The following AP3B2 variants were observed in gnomAD, a reference collection of about 807,000 sequenced individuals.
AP3B2 encodes the protein AP-3 complex subunit beta-2.
In AP3B2, 50 loss-of-function variants were observed where a neutral mutation model predicts 126.9. The ratio of observed to expected loss-of-function variants is 0.39; its 90% CI spans 0.31 to 0.50. AP3B2 has a LOEUF of 0.50. Among genes scored for constraint, AP3B2 ranks in the 20% least tolerant of loss-of-function variants. The probability of loss-of-function intolerance (pLI) is 0.79; values close to 1 mark genes in which losing one functional copy is unlikely to be tolerated. For missense variants in AP3B2, 1,177 were observed against 1,426.4 expected, an observed-to-expected ratio of 0.83 and a Z score of 2.82; for synonymous variants, 541 against 565.0, an observed-to-expected ratio of 0.96 and a Z score of 0.60.
chr15:82,675,228 G>A (rs922387048), intron 14 of AP3B2, among the ~76,000 whole-genome samples: 2 of 152,202 alleles, frequency 1.3e-5, no homozygotes, highest in Non-Finnish European at 2.9e-5. Context: ...ACATGGTCCA[G>A]TGTCTCTCCT....
Position 82,709,679 on chromosome 15 carries a change from C to T in AP3B2, c.28G>A (p.Asp10Asn). The change falls in exon 1 of 27, where the codon GAC becomes AAC. Residue 10 changes from aspartate to asparagine, a missense_variant. This residue lies in a region of AP3B2 where 49 missense variants were observed against 39.3 expected (regional missense o/e 1.25). Coordinates refer to ENST00000535359, the MANE Select transcript of AP3B2 (RefSeq NM_001278512.2). Reference sequence around the variant, plus strand: ...CCGGGGCCAGCGGAGCCGCCCTTGTCTTCGCTGTAGGCGGGGGCGGCCGAC... The same window carrying T: ...CCGGGGCCAGCGGAGCCGCCCTTGTTTTCGCTGTAGGCGGGGGCGGCCGAC... MSAAPAYSE[D>N]KGGSAGPGEP... 6.7e-7 allele frequency: 1 copy of T among 1,503,416 alleles called. No homozygotes were observed. The highest frequency in any genetic ancestry group is 1.2e-5 in the South Asian group (1 of 80,494). The allele number at this position is 1,503,416 out of a possible 1,614,324, so 93.1% of individuals were successfully genotyped here.
At chr15:82,666,680 G>A in intron 15 of AP3B2, 67 bp downstream of exon 15, 1 of 1,536,962 alleles carries the variant, frequency 6.5e-7, no homozygotes, top group Non-Finnish European at 8.8e-7. Context: ...AGGAAGGTCT[G>A]GGGCAGAGAC....
rs1304670320 is a variant in AP3B2 at position 82,662,226 on chromosome 15, T to G, written c.2860A>C (p.Thr954Pro). 1.5e-5 allele frequency: 24 copies of G among 1,601,504 alleles called. No homozygotes were observed. Among genetic ancestry groups the G allele is most frequent in the Non-Finnish European group, 2.0e-5 (24 of 1,173,738 alleles). The change falls in exon 24 of 27, where the codon ACT becomes CCT. Residue 954 changes from threonine to proline, a missense_variant. Coordinates refer to ENST00000535359, the MANE Select transcript of AP3B2 (RefSeq NM_001278512.2). ...IESLAPGESA[T>P]AVMGINFCDS... ...CAGAAATTAATGCCCATTACAGCAG[T>G]GGCAGATTCTCCAGGTGCCAGGGAC...
chr15:82,659,661 C>T lies in AP3B2; in HGVS notation c.3205G>A (p.Asp1069Asn), dbSNP rs1330194841. The T allele has an allele frequency of 6.2e-7, 1 of 1,613,922 alleles. No homozygotes were observed. Among genetic ancestry groups the T allele is most frequent in the East Asian group, 2.2e-5 (1 of 44,878 alleles). Residue 1069 changes from aspartate to asparagine, a missense_variant, in exon 27 of 27, where the codon GAT becomes AAT. Around this residue, in one of 5 missense-constraint regions of AP3B2, gnomAD observed 587 missense variants for 571.3 expected, o/e 1.03. Transcript: ENST00000535359. ...TGGSLVLLTL[D>N]ARPAGAAQLT... The stretch of plus-strand genomic sequence containing the variant: ...TGGGCAGCTCCAGCTGGCCGGGCAT[C>T]CAGGGTCAGCAGAACGAGGCTTCCA...
chr15:82,669,602 GA>G (rs2048114507), intron 14 of AP3B2, among the ~76,000 whole-genome samples: 1 of 151,554 alleles, frequency 6.6e-6, no homozygotes, highest in Admixed American at 6.6e-5. Flanking sequence ...TGAGGCAGGA[GA>G]ACCGCTTGAA....
In AP3B2 at chr15:82,666,863, G is replaced by A. The variant is rs1410475869; in HGVS notation, c.1736C>T (p.Ala579Val). ...YDQNYDIRDR[A>V]RFTRQLIVPS... Reference sequence around the variant, plus strand: ...GACGATGAGCTGCCGGGTGAAGCGCGCCCGGTCGCGAATATCATAGTTCTG... The same window carrying A: ...GACGATGAGCTGCCGGGTGAAGCGCACCCGGTCGCGAATATCATAGTTCTG... Residue 579 changes from alanine (A) to valine (V), a missense_variant, in exon 15 of 27, where the codon GCG becomes GTG. By Grantham distance (64) the Ala-to-Val change is moderately conservative (BLOSUM62 0). Coordinates refer to ENST00000535359, the MANE Select transcript of AP3B2 (RefSeq NM_001278512.2). 3 of 1,613,986 alleles carry A rather than the reference G, an allele frequency of 1.9e-6. No individual in the cohort carries two copies. The South Asian group carries it at 3.3e-5, about 18-fold the overall frequency.
At position 82,693,207 on chromosome 15, in the gene AP3B2, C is replaced by CGCCCCA. The variant is rs1375139780; in HGVS notation, c.114-3760_114-3755dup. Reference sequence around the variant, plus strand: ...CCCCCCGCCCCCACCCCCCCGCCCCCGCCCCACTTAAATAAATGCTATTGG... The same window carrying CGCCCCA: ...CCCCCCGCCCCCACCCCCCCGCCCCCGCCCCAGCCCCACTTAAATAAATGCTATTGG... On this transcript the variant is annotated intron_variant, in intron 1 of 26. Coordinates refer to ENST00000535359, the MANE Select transcript of AP3B2 (RefSeq NM_001278512.2). Among the ~76,000 whole-genome samples, 1,260 of 141,824 alleles carry CGCCCCA rather than the reference C, an allele frequency of 8.9e-3. 14 individuals are homozygous for CGCCCCA. Among genetic ancestry groups the CGCCCCA allele is most frequent in the African/African-American group, 0.031 (1,181 of 38,370 alleles). 93.0% of individuals were successfully genotyped at this position (141,824 alleles called of 152,430 possible).
chr15:82,698,269 C>T (rs1221960045), intron 1 of AP3B2, among the ~76,000 whole-genome samples: 2 of 151,874 alleles, frequency 1.3e-5, no homozygotes, highest in African/African-American at 4.8e-5. Context: ...ATACAGACAC[C>T]TCCCACAGAA....
Position 82,665,170 on chromosome 15 carries a change from A to G in AP3B2, c.2028+77T>C. On this transcript the variant is annotated intron_variant, in intron 17 of 26. Transcript: ENST00000535359. The surrounding 1 kb of genome is among the most constrained non-coding windows in gnomAD (Gnocchi z 4.4). The stretch of plus-strand genomic sequence containing the variant: ...GTGGAAACAGAGTATGGGAAGGCCC[A>G]GGAGCACAACACACAGGGGAAGAAG... 1 of 1,464,672 alleles carries G rather than the reference A, an allele frequency of 6.8e-7. No homozygotes were observed. The highest frequency in any genetic ancestry group is 1.2e-5 in the South Asian group (1 of 81,654). 90.7% of individuals were successfully genotyped at this position (1,464,672 alleles called of 1,614,324 possible). A position where few individuals can be genotyped will look rare whatever the true frequency, so the allele number is the denominator to read the frequency against.
intron 4 of AP3B2, chr15:82,686,325 G>C (rs2048425733): frequency 6.6e-6 from 1 of 152,214 alleles, no homozygotes; most frequent in Non-Finnish European, 1.5e-5. Context: ...GGCTAGGATT[G>C]AAAGAAGGGA....
At chr15:82,670,581 C>T (rs1198196595) in intron 14 of AP3B2, among the ~76,000 whole-genome samples, 2 of 152,172 alleles carry the variant, frequency 1.3e-5, no homozygotes, top group Non-Finnish European at 2.9e-5. Flanking sequence ...TTAAATCTAA[C>T]ACTTCAAACT....
At position 82,659,730 on chromosome 15, in the gene AP3B2, G is replaced by T. The variant is rs2047903248; in HGVS notation, c.3156-20C>A. Reference sequence around the variant, plus strand: ...GCAAACCTGAGGTGGGAATAGAAGGGGTGAGGAAGAGCTGCTAAGGGTGAC... The same window carrying T: ...GCAAACCTGAGGTGGGAATAGAAGGTGTGAGGAAGAGCTGCTAAGGGTGAC... On this transcript the variant is annotated intron_variant, in intron 26 of 26. Transcript: ENST00000535359. The T allele has an allele frequency of 6.2e-7, 1 of 1,613,252 alleles. No individual in the cohort carries two copies. Among genetic ancestry groups the T allele is most frequent in the Non-Finnish European group, 8.5e-7 (1 of 1,179,472 alleles).
rs566085030 is a variant in AP3B2 at position 82,664,389 on chromosome 15, C to T, written c.2239G>A (p.Glu747Lys). 70 of 1,611,938 alleles carry T rather than the reference C, an allele frequency of 4.3e-5. No homozygotes were observed. The South Asian group carries it at 7.6e-4, about 17-fold the overall frequency. The change falls in exon 19 of 27, where the codon GAG becomes AAG. Residue 747 changes from glutamate (E) to lysine (K), a missense_variant. Physicochemically the swap from Glu to Lys is moderately conservative, Grantham distance 56. Coordinates refer to ENST00000535359, the MANE Select transcript of AP3B2 (RefSeq NM_001278512.2). The surrounding 1 kb of genome is among the most constrained non-coding windows in gnomAD (Gnocchi z 4.5). Reference sequence around the variant, plus strand: ...CACCTCTCACTGCCTCTCCCTTTCTCCTCATCCTCATCCTGGTCTTCATTG... The same window carrying T: ...CACCTCTCACTGCCTCTCCCTTTCTTCTCATCCTCATCCTGGTCTTCATTG... The part of the protein sequence containing the change: ...SDNEDQDEDE[E>K]KGRGSESEQS...
chr15:82,662,203 G>A lies in AP3B2; in HGVS notation c.2883C>T (p.Phe961=). ...AGTTGGCTGCCTGGGTTGAGTCACA[G>A]AAATTAATGCCCATTACAGCAGTGG... is the stretch of plus-strand genomic sequence containing the variant. ...ESATAVMGIN[F]CDSTQAANFQ... is the part of the protein sequence containing the mutation. The change falls in exon 24 of 27, where the codon TTC becomes TTT. Residue 961 remains phenylalanine (F), a synonymous_variant. Transcript: ENST00000535359. 6.2e-7 allele frequency: 1 copy of A among 1,604,352 alleles called. No homozygotes were observed. The highest frequency in any genetic ancestry group is 8.5e-7 in the Non-Finnish European group (1 of 1,175,392).
intron 4 of AP3B2, chr15:82,686,404 A>G (rs537092734): frequency 3.3e-5 from 5 of 152,364 alleles, no homozygotes; most frequent in Admixed American, 6.5e-5. Flanking sequence ...ACAAAAAAGA[A>G]AACAAGTTTT....
chr15:82,675,106 G>A (rs990788893), intron 14 of AP3B2, among the ~76,000 whole-genome samples: 2 of 152,026 alleles, frequency 1.3e-5, no homozygotes, highest in African/African-American at 2.4e-5. Flanking sequence ...TTTTTTCAAC[G>A]ATTGAACGCT....
chr15:82,668,046 C>T (rs990651973), intron 14 of AP3B2, among the ~76,000 whole-genome samples: 1 of 152,226 alleles, frequency 6.6e-6, no homozygotes, highest in African/African-American at 2.4e-5. Flanking sequence ...CATACTGTTA[C>T]GTGTAGCCTT....
intron 10 of AP3B2, 87 bp downstream of exon 10, chr15:82,679,642 G>A: frequency 8.0e-7 from 1 of 1,243,220 alleles, no homozygotes; most frequent in Non-Finnish European, 1.2e-6. Flanking sequence ...GAATAGGCAG[G>A]CACCAGGGGG....
chr15:82,671,417 C>G (rs940610836), intron 14 of AP3B2, among the ~76,000 whole-genome samples: 1 of 152,114 alleles, frequency 6.6e-6, no homozygotes, highest in African/African-American at 2.4e-5. Flanking sequence ...GTGGAAATGT[C>G]TGGAGAACAG....
Sources: allele counts gnomAD v4.1 joint callset (sites outside exome capture counted in the v4.1 genomes callset), GRCh38; gene constraint gnomAD v4.1.1; regional missense constraint gnomAD v4.1.1; non-coding constraint Gnocchi (gnomAD v3.1); transcripts MANE v1.5; gene names NCBI Gene and HGNC (gene_info 2026-07-23, HGNC 2026-07-21).